Variants in CHIC1 observed in about 807,000 individuals in gnomAD.
CHIC1 encodes cysteine-rich hydrophobic domain-containing protein 1.
CHIC1 carries 7 observed loss-of-function variants against 18.5 expected under a neutral mutation model. The ratio of observed to expected loss-of-function variants is 0.38; its 90% CI spans 0.22 to 0.71. The LOEUF (loss-of-function observed/expected upper bound fraction) is 0.71. Ranked by LOEUF, CHIC1 falls within the 30% of genes least tolerant of loss-of-function variation. The pLI is 0.49. For synonymous variants in CHIC1, 77 were observed against 73.5 expected (o/e 1.05, Z -0.25); for missense variants, 159 against 176.9 (o/e 0.90, Z 0.57).
At chrX:73,654,476 G>A (rs2057932381) in intron 3 of CHIC1, among the ~76,000 whole-genome samples, 1 of 111,713 alleles carries the variant, frequency 9.0e-6, no homozygotes, top group Non-Finnish European at 1.9e-5. Context: ...TGTTCATGAC[G>A]TATATTAGCC....
intron 3 of CHIC1, among the ~76,000 whole-genome samples, chrX:73,620,356 C>T (rs1287607428): frequency 8.9e-6 from 1 of 111,992 alleles, no homozygotes. Context: ...TCCACATCCT[C>T]TTCAGCATCT....
intron 3 of CHIC1, among the ~76,000 whole-genome samples, chrX:73,635,166 G>A (rs1324466620): frequency 9.0e-6 from 1 of 111,462 alleles, no homozygotes; most frequent in Non-Finnish European, 1.9e-5. Flanking sequence ...CATTCATTCT[G>A]TTAATGTAGT....
intron 3 of CHIC1, among the ~76,000 whole-genome samples, chrX:73,677,809 A>G (rs1429383954): frequency 8.9e-6 from 1 of 112,047 alleles, no homozygotes; most frequent in Non-Finnish European, 1.9e-5. Flanking sequence ...AAATGCAGAA[A>G]TCACCCGTCT....
chrX:73,657,397 T>C (rs2057955736), intron 3 of CHIC1, among the ~76,000 whole-genome samples: 1 of 111,112 alleles, frequency 9.0e-6, no homozygotes, highest in African/African-American at 3.3e-5. Flanking sequence ...TGAATGGGAG[T>C]TCATTCATGA....
At chrX:73,631,613 CAG>C in intron 3 of CHIC1, among the ~76,000 whole-genome samples, 1 of 108,228 alleles carries the variant, frequency 9.2e-6, no homozygotes, top group East Asian at 2.9e-4. Context: ...GCCTGAGCAA[CAG>C]AGACTCCATC....
In CHIC1 at chrX:73,606,506, C is replaced by T. The variant is rs1046259626; in HGVS notation, c.507+21934C>T. Among the ~76,000 whole-genome samples, 2 of 107,507 alleles carry T rather than the reference C, an allele frequency of 1.9e-5. 1 individual carries two copies. The highest frequency in any genetic ancestry group is 7.3e-5 in the African/African-American group (2 of 27,533). The allele number at this position is 107,507 out of a possible 115,157, so 93.4% of individuals were successfully genotyped here. A position where few individuals can be genotyped will look rare whatever the true frequency, so the allele number is the denominator to read the frequency against. Reference sequence around the variant, plus strand: ...CTGTCACTTCGCCAAACTTCTTCTCCGTCCAGTTTTGCTCCCTTGCTAGTG... The same window carrying T: ...CTGTCACTTCGCCAAACTTCTTCTCTGTCCAGTTTTGCTCCCTTGCTAGTG... On this transcript the variant is annotated intron_variant, in intron 3 of 5. Transcript: ENST00000373502.
chrX:73,652,909 A>G (rs931910962), intron 3 of CHIC1, among the ~76,000 whole-genome samples: 10 of 112,001 alleles, frequency 8.9e-5, no homozygotes, highest in African/African-American at 2.6e-4. Flanking sequence ...AAATCATTCT[A>G]TTATAAAGAT....
intron 3 of CHIC1, among the ~76,000 whole-genome samples, chrX:73,675,109 A>T (rs1450370972): frequency 8.9e-6 from 1 of 112,102 alleles, no homozygotes; most frequent in Non-Finnish European, 1.9e-5. Flanking sequence ...ACAGTTTGTT[A>T]TAATTTCTAT....
chrX:73,634,617 A>G (rs1286405412), intron 3 of CHIC1, among the ~76,000 whole-genome samples: 1 of 111,294 alleles, frequency 9.0e-6, no homozygotes, highest in African/African-American at 3.3e-5. Flanking sequence ...CTTGTGGTGG[A>G]GTCTTTAAGC....
chrX:73,670,808 A>G (rs2058026440), intron 3 of CHIC1, among the ~76,000 whole-genome samples: 3 of 111,115 alleles, frequency 2.7e-5, no homozygotes, highest in Non-Finnish European at 5.7e-5. Context: ...ATTTCCATGT[A>G]TTGGTACAGT....
At position 73,614,683 on chromosome X, in the gene CHIC1, G is replaced by A. The variant is rs1309969417; in HGVS notation, c.507+30111G>A. 3.7e-5 allele frequency among the ~76,000 whole-genome samples: 4 copies of A among 109,458 alleles called. No homozygotes were observed. The Admixed American group carries it at 3.9e-4, about 11-fold the overall frequency. On this transcript the variant is annotated intron_variant, in intron 3 of 5. Transcript: ENST00000373502. ...ATTTTGACTACATTTTCTATTTTAT[G>A]TAATAAATTCTTTATTTCTAGAACT...
rs757103536 is a variant in CHIC1 at position 73,685,731 on chromosome X, T to G, written c.*4726T>G. 2 of 112,050 alleles carry G rather than the reference T, an allele frequency of 1.8e-5. No individual in the cohort carries two copies. The highest frequency in any genetic ancestry group is 3.8e-5 in the Non-Finnish European group (2 of 53,042). 9.2% of individuals were successfully genotyped at this position (112,050 alleles called of 1,213,427 possible). On this transcript the variant is annotated 3_prime_UTR_variant, in exon 6 of 6. Transcript: ENST00000373502. ...CTGGATATCATAATTATATAATTTC[T>G]AAATAGATTTCTTTAAATCCATGCT...
At position 73,683,152 on chromosome X, in the gene CHIC1, A is replaced by G. The variant is rs1219529155; in HGVS notation, c.*2147A>G. The G allele has an allele frequency of 9.0e-6, 1 of 111,242 alleles. No individual in the cohort carries two copies. The highest frequency in any genetic ancestry group is 2.8e-4 in the East Asian group (1 of 3,540). 9.2% of individuals were successfully genotyped at this position (111,242 alleles called of 1,213,427 possible). A position where few individuals can be genotyped will look rare whatever the true frequency, so the allele number is the denominator to read the frequency against. The stretch of plus-strand genomic sequence containing the variant: ...CATGAAACAATTATTGAGAATGGGA[A>G]TACAGTATATCTGGAAATGACACAG... On this transcript the variant is annotated 3_prime_UTR_variant, in exon 6 of 6. Coordinates refer to ENST00000373502, the MANE Select transcript of CHIC1 (RefSeq NM_001039840.4).
At chrX:73,585,353 A>G (rs1049541834) in intron 3 of CHIC1, among the ~76,000 whole-genome samples, 1 of 111,082 alleles carries the variant, frequency 9.0e-6, no homozygotes, top group Non-Finnish European at 1.9e-5. Context: ...GCCTGGTTTA[A>G]TGTTTACTTC....
intron 3 of CHIC1, among the ~76,000 whole-genome samples, chrX:73,652,862 A>T (rs1373045960): frequency 8.9e-6 from 1 of 112,066 alleles, no homozygotes; most frequent in Middle Eastern, 4.7e-3. Flanking sequence ...CATTTGACCC[A>T]GCAATTTCAT....
At chrX:73,615,327 C>T (rs763632371) in intron 3 of CHIC1, among the ~76,000 whole-genome samples, 1 of 111,643 alleles carries the variant, frequency 9.0e-6, no homozygotes, top group South Asian at 3.8e-4. Flanking sequence ...TCTTGGTCTC[C>T]AGTCAGGGTG....
At chrX:73,645,365 G>C (rs370112895) in intron 3 of CHIC1, among the ~76,000 whole-genome samples, 4 of 111,880 alleles carry the variant, frequency 3.6e-5, no homozygotes, top group Non-Finnish European at 7.5e-5. Flanking sequence ...ATGCTGCAGT[G>C]AACATGGGAG....
chrX:73,614,152 C>T (rs1031687889), intron 3 of CHIC1, among the ~76,000 whole-genome samples: 3 of 111,449 alleles, frequency 2.7e-5, no homozygotes, highest in African/African-American at 9.8e-5. Context: ...GTATCCTTGG[C>T]TGGCATTATT....
chrX:73,658,248 GTTTTTTTTTTTT>G (rs869309622), intron 3 of CHIC1, among the ~76,000 whole-genome samples: 3 of 16,710 alleles, frequency 1.8e-4, no homozygotes, highest in Admixed American at 1.3e-3. Flanking sequence ...CTGGTCCTAG[GTTTTTTTTTTTT>G]TTTTTTTTTT....
Sources: allele counts gnomAD v4.1 joint callset (sites outside exome capture counted in the v4.1 genomes callset), GRCh38; gene constraint gnomAD v4.1.1; transcripts MANE v1.5; gene names NCBI Gene and HGNC (gene_info 2026-07-23, HGNC 2026-07-21).